The following SPA17 variants were observed in gnomAD, a reference collection of about 807,000 sequenced individuals.
The protein encoded by SPA17 is sperm surface protein Sp17.
SPA17 carries 7 observed loss-of-function variants against 13.8 expected under a neutral mutation model. The observed-to-expected ratio is 0.51, with a 90% CI of 0.29 to 0.95. The LOEUF is 0.95. Among genes scored for constraint, SPA17 ranks in the 40% least tolerant of loss-of-function variants. The pLI, the probability that SPA17 is intolerant of heterozygous loss-of-function variation, is 0.08. For synonymous variants in SPA17, 61 were observed against 59.0 expected (o/e 1.03, Z -0.16); for missense variants, 170 against 179.3 (o/e 0.95, Z 0.30).
At chr11:124,687,429 G>A (rs1943587519) in intron 3 of SPA17, among the ~76,000 whole-genome samples, 1 of 152,052 alleles carries the variant, frequency 6.6e-6, no homozygotes, top group Non-Finnish European at 1.5e-5. Flanking sequence ...TGAGAAGAAT[G>A]GATTCTCCCT....
chr11:124,680,792 A>G (rs1026989875), intron 2 of SPA17, among the ~76,000 whole-genome samples: 10 of 152,172 alleles, frequency 6.6e-5, no homozygotes, highest in Non-Finnish European at 1.0e-4. Context: ...TAATCAGAAG[A>G]AAAGGTTATA....
intron 4 of SPA17, among the ~76,000 whole-genome samples, chr11:124,693,068 A>C (rs892088827): frequency 6.6e-6 from 1 of 152,234 alleles, no homozygotes; most frequent in Non-Finnish European, 1.5e-5. Flanking sequence ...AAGTCAAGGA[A>C]GAAGGGAGTT....
intron 3 of SPA17, among the ~76,000 whole-genome samples, chr11:124,686,472 A>G (rs1943580179): frequency 6.6e-6 from 1 of 152,262 alleles, no homozygotes; most frequent in Non-Finnish European, 1.5e-5. Flanking sequence ...ATTCTACCCA[A>G]CAACTGCAGA....
intron 3 of SPA17, among the ~76,000 whole-genome samples, chr11:124,685,274 G>A (rs1943567139): frequency 6.6e-6 from 1 of 152,244 alleles, no homozygotes; most frequent in South Asian, 2.1e-4. Context: ...AGGGGCCAAT[G>A]TACAGTTCAG....
Position 124,691,799 on chromosome 11 carries a change from A to G in SPA17, c.312+17A>G. On this transcript the variant is annotated intron_variant, in intron 4 of 4. Transcript: ENST00000227135. ...ACCATCTTAGTATGTAATATTTTTCATGTACTATTGGATTCCTACAAAGAA... is the reference window on the plus strand; with the variant it reads ...ACCATCTTAGTATGTAATATTTTTCGTGTACTATTGGATTCCTACAAAGAA... 1 of 1,541,024 alleles carries G rather than the reference A, an allele frequency of 6.5e-7. No individual in the cohort carries two copies. The highest frequency in any genetic ancestry group is 8.9e-7 in the Non-Finnish European group (1 of 1,121,158).
rs756798240 is a variant in SPA17 at position 124,675,237 on chromosome 11, G to C, written c.-27-1G>C. 3.0e-5 allele frequency: 48 copies of C among 1,599,688 alleles called. No individual in the cohort carries two copies. Among genetic ancestry groups the C allele is most frequent in the Non-Finnish European group, 3.7e-5 (44 of 1,175,466 alleles). On this transcript the variant is annotated splice_acceptor_variant, in intron 1 of 4. Coordinates refer to ENST00000227135, the MANE Select transcript of SPA17 (RefSeq NM_017425.4). LOFTEE classifies it low-confidence loss of function (5UTR_SPLICE). ...GACAGTACTCTTTAATGAATCTTTAGGTTCCATAGGCAGTTCTTACCAAGA... is the reference window on the plus strand; with the variant it reads ...GACAGTACTCTTTAATGAATCTTTACGTTCCATAGGCAGTTCTTACCAAGA...
intron 3 of SPA17, among the ~76,000 whole-genome samples, chr11:124,684,711 C>T (rs1193130481): frequency 6.6e-6 from 1 of 152,164 alleles, no homozygotes; most frequent in Non-Finnish European, 1.5e-5. Flanking sequence ...TTCCTAGAGA[C>T]TTGTTGAATG....
rs898161904 is a variant in SPA17 at position 124,691,776 on chromosome 11, C to T, written c.306C>T (p.Thr102=). 6.2e-7 allele frequency: 1 copy of T among 1,600,832 alleles called. No homozygotes were observed. The highest frequency in any genetic ancestry group is 8.5e-7 in the Non-Finnish European group (1 of 1,171,402). Residue 102 remains threonine (T), a synonymous_variant, in exon 4 of 5, where the codon ACC becomes ACT. Transcript: ENST00000227135. ...ISGKEEETSV[T]ILDSSEEDKE... is the part of the protein sequence containing the mutation. ...GGAAGGAGGAAGAGACATCAGTCAC[C>T]ATCTTAGTATGTAATATTTTTCATG... is the stretch of plus-strand genomic sequence containing the variant.
At chr11:124,687,833 T>C (rs867283321) in intron 3 of SPA17, among the ~76,000 whole-genome samples, 12 of 152,234 alleles carry the variant, frequency 7.9e-5, no homozygotes, top group South Asian at 2.1e-4. Context: ...AATATTATAC[T>C]GAATGGGAAA....
At chr11:124,689,716 G>A (rs1413045863) in intron 3 of SPA17, among the ~76,000 whole-genome samples, 2 of 151,472 alleles carry the variant, frequency 1.3e-5, no homozygotes, top group Non-Finnish European at 1.5e-5. Flanking sequence ...GGTCAAGGCT[G>A]TAGTGCACTC....
intron 3 of SPA17, among the ~76,000 whole-genome samples, 168 bp downstream of exon 3, chr11:124,681,627 T>C (rs1459081027): frequency 6.6e-6 from 1 of 151,656 alleles, no homozygotes; most frequent in Non-Finnish European, 1.5e-5. Flanking sequence ...TTAAAAAGAT[T>C]ATTTATTAAA....
At chr11:124,693,773 G>A (rs953510540) in intron 4 of SPA17, among the ~76,000 whole-genome samples, 10 of 151,830 alleles carry the variant, frequency 6.6e-5, no homozygotes, top group African/African-American at 2.4e-4. Flanking sequence ...TTTAAAAGAG[G>A]GTATGTGCCA....
intron 1 of SPA17, chr11:124,674,301 G>A (rs1287005892): frequency 6.6e-6 from 1 of 152,346 alleles, no homozygotes; most frequent in Non-Finnish European, 1.5e-5. Flanking sequence ...TGCTCGGGAG[G>A]CTGAGGCGGG....
At chr11:124,674,310 G>T in intron 1 of SPA17, 1 of 152,446 alleles carries the variant, frequency 6.6e-6, no homozygotes, top group East Asian at 1.9e-4. Context: ...GGCTGAGGCG[G>T]GATCATCGCT....
intron 3 of SPA17, 43 bp downstream of exon 3, chr11:124,681,502 C>T: frequency 7.0e-7 from 1 of 1,428,980 alleles, no homozygotes; most frequent in South Asian, 1.6e-5. Flanking sequence ...TTTCTTCTCT[C>T]TGTCTACAGC....
chr11:124,689,605 G>A (rs975454586), intron 3 of SPA17, among the ~76,000 whole-genome samples: 2 of 152,098 alleles, frequency 1.3e-5, no homozygotes, highest in East Asian at 3.9e-4. Flanking sequence ...GCGCAACATG[G>A]TGAAACCCAT....
chr11:124,678,844 A>G (rs545068118), intron 2 of SPA17, among the ~76,000 whole-genome samples: 12 of 152,240 alleles, frequency 7.9e-5, no homozygotes, highest in East Asian at 3.9e-4. Context: ...TGGGATTACA[A>G]GAATGAGGCA....
chr11:124,682,889 C>A (rs1005298384), intron 3 of SPA17, among the ~76,000 whole-genome samples: 1 of 150,346 alleles, frequency 6.7e-6, no homozygotes, highest in Admixed American at 6.6e-5. Flanking sequence ...CAGTGATTCC[C>A]CAAATACAAT....
chr11:124,684,059 A>G (rs1188066425), intron 3 of SPA17, among the ~76,000 whole-genome samples: 1 of 152,132 alleles, frequency 6.6e-6, no homozygotes, highest in East Asian at 1.9e-4. Context: ...ATGGGGGATG[A>G]TGGTTTAATA....
Sources: allele counts gnomAD v4.1 joint callset (sites outside exome capture counted in the v4.1 genomes callset), GRCh38; gene constraint gnomAD v4.1.1; transcripts MANE v1.5; gene names NCBI Gene and HGNC (gene_info 2026-07-23, HGNC 2026-07-21).